DYNC2H1: variants seen among roughly 807,000 people sequenced by gnomAD.
The protein encoded by DYNC2H1 is dynein cytoplasmic 2 heavy chain 1, also known as cytoplasmic dynein 2 heavy chain 1.
In DYNC2H1, 410 loss-of-function variants were observed where a neutral mutation model predicts 570.0. The ratio of observed to expected loss-of-function variants is 0.72; its 90% CI spans 0.66 to 0.78. The LOEUF is 0.78. Ranked by LOEUF, DYNC2H1 falls within the 30% of genes least tolerant of loss-of-function variation. DYNC2H1 has a pLI of 0.00. For missense variants in DYNC2H1, 4,865 were observed against 5,046.4 expected, an observed-to-expected ratio of 0.96 and a Z score of 1.09; for synonymous variants, 1,688 against 1,677.6, an observed-to-expected ratio of 1.01 and a Z score of -0.15.
intron 84 of DYNC2H1, among the ~76,000 whole-genome samples, chr11:103,415,268 T>C (rs952014461): frequency 2.6e-5 from 4 of 152,122 alleles, no homozygotes; most frequent in Admixed American, 6.6e-5. Context: ...AAGGACTTCA[T>C]GACTAAAACA....
rs1432150815 is a variant in DYNC2H1 at position 103,277,947 on chromosome 11, T to G, written c.10696-2401T>G. On this transcript the variant is annotated intron_variant, in intron 70 of 88. Coordinates refer to ENST00000375735, the MANE Select transcript of DYNC2H1 (RefSeq NM_001377.3). The surrounding 1 kb of genome is among the most constrained non-coding windows in gnomAD (Gnocchi z 4.3). ...ATGTAATTCTTTAAGGGCCCAAGTTTTAGAAAGAAAGAAATCTCATTGTTA... is the reference window on the plus strand; with the variant it reads ...ATGTAATTCTTTAAGGGCCCAAGTTGTAGAAAGAAAGAAATCTCATTGTTA... 6.6e-6 allele frequency among the ~76,000 whole-genome samples: 1 copy of G among 152,150 alleles called. No homozygotes were observed. The highest frequency in any genetic ancestry group is 1.5e-5 in the Non-Finnish European group (1 of 68,030).
chr11:103,342,217 C>T (rs1163944991), intron 82 of DYNC2H1, among the ~76,000 whole-genome samples: 1 of 152,058 alleles, frequency 6.6e-6, no homozygotes, highest in Admixed American at 6.5e-5. Context: ...TACCAATTGG[C>T]ACTCTGTAGC....
At chr11:103,392,397 C>T (rs1352061862) in intron 83 of DYNC2H1, among the ~76,000 whole-genome samples, 1 of 152,248 alleles carries the variant, frequency 6.6e-6, no homozygotes, top group Non-Finnish European at 1.5e-5. Context: ...TGCCATCTGT[C>T]ACCCCTTTCC....
intron 85 of DYNC2H1, among the ~76,000 whole-genome samples, chr11:103,447,480 C>T (rs188868255): frequency 7.3e-4 from 111 of 152,208 alleles, no homozygotes; most frequent in Non-Finnish European, 1.4e-3. Flanking sequence ...TGTGGGAAAC[C>T]ATTAACATAA....
At position 103,434,687 on chromosome 11, in the gene DYNC2H1, AT is replaced by A. The variant is rs571650199; in HGVS notation, c.12367-1253del. On this transcript the variant is annotated intron_variant, in intron 84 of 88. Transcript: ENST00000375735. ...CTTAAAATAATGTTTTTTAAAAATC[AT>A]TTATTTTTAGCTTAAAAGTGTGAAA... 4.0e-3 allele frequency among the ~76,000 whole-genome samples: 603 copies of A among 152,178 alleles called. 5 individuals carry two copies. Among genetic ancestry groups the A allele is most frequent in the African/African-American group, 0.014 (577 of 41,544 alleles).
In DYNC2H1 at chr11:103,338,965, T is replaced by C. The variant is rs77442087; in HGVS notation, c.12039+14975T>C. Among the ~76,000 whole-genome samples the C allele has an allele frequency of 4.8e-3, 734 of 152,286 alleles. 3 individuals carry two copies. Among genetic ancestry groups the C allele is most frequent in the African/African-American group, 0.017 (706 of 41,562 alleles). On this transcript the variant is annotated intron_variant, in intron 82 of 88. Transcript: ENST00000375735. ...CTTGTTTGTACCTGTCCTTCTTGAGTGGACTTTGAAGACTTCAAATATAAT... is the reference window on the plus strand; with the variant it reads ...CTTGTTTGTACCTGTCCTTCTTGAGCGGACTTTGAAGACTTCAAATATAAT...
intron 18 of DYNC2H1, among the ~76,000 whole-genome samples, chr11:103,144,913 C>T (rs1452847908): frequency 1.3e-5 from 2 of 151,188 alleles, no homozygotes; most frequent in African/African-American, 2.4e-5. Flanking sequence ...CAGAGTCTTG[C>T]TGTGTCACCC....
At position 103,230,744 on chromosome 11, in the gene DYNC2H1, T is replaced by C. The variant is rs535428655; in HGVS notation, c.9354-516T>C. On this transcript the variant is annotated intron_variant, in intron 59 of 88. Transcript: ENST00000375735. Reference sequence around the variant, plus strand: ...TGTTAGTTATTACTTTTTAAAAGTTTATTGAACTTTGAGGGTGCAGGATGC... The same window carrying C: ...TGTTAGTTATTACTTTTTAAAAGTTCATTGAACTTTGAGGGTGCAGGATGC... Among the ~76,000 whole-genome samples the C allele has an allele frequency of 3.3e-5, 5 of 152,244 alleles. No individual in the cohort carries two copies. The East Asian group carries it at 9.6e-4, about 29-fold the overall frequency.
chr11:103,204,589 A>G lies in DYNC2H1; in HGVS notation c.8312-233A>G, dbSNP rs1485336512. 6.6e-6 allele frequency among the ~76,000 whole-genome samples: 1 copy of G among 152,210 alleles called. No individual in the cohort carries two copies. The highest frequency in any genetic ancestry group is 1.5e-5 in the Non-Finnish European group (1 of 68,042). ...GCAATAATCACACCACCCAGACATT[A>G]TGACACTTACATTTTTCATGGACAT... is the stretch of plus-strand genomic sequence containing the variant. On this transcript the variant is annotated intron_variant, in intron 51 of 88. Coordinates refer to ENST00000375735, the MANE Select transcript of DYNC2H1 (RefSeq NM_001377.3). This position sits in a 1 kb window ranked among gnomAD's most constrained non-coding sequence, Gnocchi z 4.1.
At chr11:103,272,341 C>A (rs12279526) in intron 70 of DYNC2H1, among the ~76,000 whole-genome samples, 5,164 of 151,946 alleles carry the variant, frequency 0.034, 297 homozygotes, top group African/African-American at 0.12. Flanking sequence ...CCAAACACTG[C>A]GTGTTCTCAC....
chr11:103,151,613 A>G lies in DYNC2H1; in HGVS notation c.2947-523A>G, dbSNP rs1176470512. 2.0e-5 allele frequency among the ~76,000 whole-genome samples: 3 copies of G among 152,144 alleles called. No individual in the cohort carries two copies. The highest frequency in any genetic ancestry group is 7.2e-5 in the African/African-American group (3 of 41,426). On this transcript the variant is annotated intron_variant, in intron 20 of 88. Coordinates refer to ENST00000375735, the MANE Select transcript of DYNC2H1 (RefSeq NM_001377.3). This position sits in a 1 kb window ranked among gnomAD's most constrained non-coding sequence, Gnocchi z 4.6. ...TTTAACAAACTGTTAGCTATATACAACTTAGGGCACTTCAGTTAAAAACCC... is the reference window on the plus strand; with the variant it reads ...TTTAACAAACTGTTAGCTATATACAGCTTAGGGCACTTCAGTTAAAAACCC...
At chr11:103,454,972 A>G (rs1274869774) in intron 85 of DYNC2H1, 1 of 460,740 alleles carries the variant, frequency 2.2e-6, no homozygotes, top group East Asian at 3.3e-5. Context: ...CCAACAAACA[A>G]TTGTGCAAGG....
chr11:103,196,933 G>A (rs185667353), intron 47 of DYNC2H1, among the ~76,000 whole-genome samples: 155 of 152,222 alleles, frequency 1.0e-3, no homozygotes, highest in Middle Eastern at 3.4e-3. Context: ...TCTAGGGAAG[G>A]TAAGGTTGTT....
rs116562679 is a variant in DYNC2H1, at chr11:103,189,398, G to A, written c.7293-274G>A. On this transcript the variant is annotated intron_variant, in intron 44 of 88. Transcript: ENST00000375735. The surrounding 1 kb of genome is among the most constrained non-coding windows in gnomAD (Gnocchi z 4.3). ...TTTCAAAAGTAAAATTTTCCTTTTGGTCTTTTCTGAAGATCAGTGATATGT... is the reference window on the plus strand; with the variant it reads ...TTTCAAAAGTAAAATTTTCCTTTTGATCTTTTCTGAAGATCAGTGATATGT... 5.7e-3 allele frequency among the ~76,000 whole-genome samples: 860 copies of A among 152,074 alleles called. 5 individuals are homozygous for A. The highest frequency in any genetic ancestry group is 0.019 in the African/African-American group (786 of 41,512).
At position 103,199,130 on chromosome 11, in the gene DYNC2H1, A is replaced by T; in HGVS notation, c.7840-98A>T. On this transcript the variant is annotated intron_variant, in intron 48 of 88. Transcript: ENST00000375735. This position sits in a 1 kb window ranked among gnomAD's most constrained non-coding sequence, Gnocchi z 4.6. ...GTAGTCACTTTACTTTTTTTCTTGAATGTATCAAAAATATAATATTTTAAC... is the reference window on the plus strand; with the variant it reads ...GTAGTCACTTTACTTTTTTTCTTGATTGTATCAAAAATATAATATTTTAAC... 1.2e-6 allele frequency: 1 copy of T among 831,312 alleles called. No homozygotes were observed. The highest frequency in any genetic ancestry group is 1.7e-5 in the African/African-American group (1 of 58,026). The allele number at this position is 831,312 out of a possible 1,614,324, so 51.5% of individuals were successfully genotyped here.
chr11:103,235,868 T>G (rs931947075), intron 62 of DYNC2H1, 55 bp downstream of exon 62: 1 of 1,593,054 alleles, frequency 6.3e-7, no homozygotes, highest in Non-Finnish European at 8.6e-7. Context: ...ATTCCTGAAT[T>G]TAAAATTTCA....
chr11:103,188,557 C>A lies in DYNC2H1; in HGVS notation c.7201C>A (p.Gln2401Lys). 1 of 1,610,616 alleles carries A rather than the reference C, an allele frequency of 6.2e-7. No individual in the cohort carries two copies. Among genetic ancestry groups the A allele is most frequent in the South Asian group, 1.1e-5 (1 of 90,660 alleles). ...NLEWVGLENIQIVASMSAGGR... is the reference protein window; with the variant it reads ...NLEWVGLENIKIVASMSAGGR... ...GGAATGGGTTGGTCTAGAAAATATT[C>A]AAATTGTGGCTTCTATGTCAGCTGG... The change falls in exon 44 of 89, where the codon CAA becomes AAA. Residue 2401 changes from glutamine (Q) to lysine (K), a missense_variant. Transcript: ENST00000375735.
At chr11:103,360,006 C>T (rs1025019048) in intron 83 of DYNC2H1, among the ~76,000 whole-genome samples, 1 of 152,028 alleles carries the variant, frequency 6.6e-6, no homozygotes, top group African/African-American at 2.4e-5. Flanking sequence ...ATTACTAGTT[C>T]TCTGATGTTG....
At chr11:103,126,225 T>A (rs1282532049) in intron 12 of DYNC2H1, among the ~76,000 whole-genome samples, 2 of 152,232 alleles carry the variant, frequency 1.3e-5, no homozygotes, top group Non-Finnish European at 2.9e-5. Flanking sequence ...GCACAGAATT[T>A]CTTAGCCTCT....
Sources: allele counts gnomAD v4.1 joint callset (sites outside exome capture counted in the v4.1 genomes callset), GRCh38; gene constraint gnomAD v4.1.1; non-coding constraint Gnocchi (gnomAD v3.1); transcripts MANE v1.5; gene names NCBI Gene and HGNC (gene_info 2026-07-23, HGNC 2026-07-21).